AAGAB: variants seen among roughly 807,000 people sequenced by gnomAD.
AAGAB encodes the protein alpha and gamma adaptin binding protein, also known as alpha- and gamma-adaptin-binding protein p34.
Under a neutral mutation model 44.1 loss-of-function variants are expected in AAGAB, and 38 were observed. The observed-to-expected ratio is 0.86, with a 90% CI of 0.67 to 1.13. The LOEUF (loss-of-function observed/expected upper bound fraction) is 1.13. AAGAB is among the 50% of genes most tolerant of loss of function. AAGAB has a pLI of 0.00. For synonymous variants in AAGAB, 131 were observed against 131.8 expected (o/e 0.99, Z 0.04); for missense variants, 450 against 373.8 (o/e 1.20, Z -1.68).
Position 67,254,623 on chromosome 15 carries a change from A to G in AAGAB, c.9T>C (p.Ala3=), listed in dbSNP as rs180799838. 7,521 of 1,600,386 alleles carry G rather than the reference A, an allele frequency of 4.7e-3. 251 individuals carry two copies. The Admixed American group carries it at 0.08, about 17-fold the overall frequency. MA[A]GVPCALVTSC... ...TGGTGACTAACGCACAGGGTACGCCAGCAGCCATAGCTGCGCTCGCGAGCC... is the reference window on the plus strand; with the variant it reads ...TGGTGACTAACGCACAGGGTACGCCGGCAGCCATAGCTGCGCTCGCGAGCC... Residue 3 remains alanine (A), a synonymous_variant, in exon 1 of 10, where the codon GCT becomes GCC. Transcript: ENST00000261880.
rs189242691 is a variant in AAGAB at position 67,209,502 on chromosome 15, G to A, written c.578C>T (p.Thr193Ile). 3.1e-6 allele frequency: 5 copies of A among 1,614,164 alleles called. No individual in the cohort carries two copies. The highest frequency in any genetic ancestry group is 3.3e-5 in the Admixed American group (2 of 60,036). The change falls in exon 6 of 10, where the codon ACA (threonine) becomes ATA (isoleucine). Residue 193 changes from threonine (T) to isoleucine (I), a missense_variant. Physicochemically the swap from Thr to Ile is moderately conservative, Grantham distance 89 (BLOSUM62 -1). Coordinates refer to ENST00000261880, the MANE Select transcript of AAGAB (RefSeq NM_024666.5). ...ATCTGCTGACCCAATGCTATGGTTT[G>A]TTCCAGTCAATGAGTTGAGAAGGCT... ...GFSLLNSLTG[T>I]NHSIGSADPC...
intron 1 of AAGAB, among the ~76,000 whole-genome samples, chr15:67,248,001 T>C (rs1964768901): frequency 6.6e-6 from 1 of 152,240 alleles, no homozygotes. Flanking sequence ...TCCCCAGCTT[T>C]TGGGAACTGA....
At chr15:67,241,045 A>ACACACACG (rs1164561766) in intron 1 of AAGAB, among the ~76,000 whole-genome samples, 1 of 97,288 alleles carries the variant, frequency 1.0e-5, no homozygotes, top group Admixed American at 1.4e-4. Context: ...TCTCCTACAC[A>ACACACACG]CACACACACA....
chr15:67,213,277 A>G (rs1207004478), intron 5 of AAGAB, among the ~76,000 whole-genome samples: 2 of 152,230 alleles, frequency 1.3e-5, no homozygotes, highest in Non-Finnish European at 2.9e-5. Context: ...ATTCTTCCAG[A>G]AAGTGTCAGA....
intron 7 of AAGAB, among the ~76,000 whole-genome samples, chr15:67,204,907 A>G (rs1339485532): frequency 6.6e-6 from 1 of 152,162 alleles, no homozygotes; most frequent in Non-Finnish European, 1.5e-5. Context: ...CTGTCTTAGC[A>G]CTTGCATATA....
At chr15:67,237,383 T>C (rs901527341) in intron 1 of AAGAB, among the ~76,000 whole-genome samples, 1 of 152,246 alleles carries the variant, frequency 6.6e-6, no homozygotes, top group Non-Finnish European at 1.5e-5. Context: ...TTCAGCCTTG[T>C]TCACATTCTT....
chr15:67,242,989 C>T (rs1421570869), intron 1 of AAGAB: 1 of 152,148 alleles, frequency 6.6e-6, no homozygotes, highest in Non-Finnish European at 1.5e-5. Flanking sequence ...TTCGCATTTC[C>T]ACATGCTCGT....
intron 6 of AAGAB, among the ~76,000 whole-genome samples, 178 bp from the exon 7 acceptor site, chr15:67,208,836 C>A (rs569489447): frequency 6.6e-6 from 1 of 152,216 alleles, no homozygotes; most frequent in African/African-American, 2.4e-5. Context: ...TTAACTAACC[C>A]AGAAGTACTT....
At chr15:67,218,859 C>T (rs1964007610) in intron 5 of AAGAB, among the ~76,000 whole-genome samples, 2 of 152,202 alleles carry the variant, frequency 1.3e-5, no homozygotes, top group East Asian at 3.8e-4. Flanking sequence ...TTATCTACAT[C>T]CCTTTCCTTG....
At chr15:67,251,760 A>G (rs1377810826) in intron 1 of AAGAB, among the ~76,000 whole-genome samples, 2 of 152,246 alleles carry the variant, frequency 1.3e-5, no homozygotes, top group East Asian at 3.8e-4. Flanking sequence ...AATATCACCG[A>G]ACACTTGACA....
chr15:67,232,621 G>C (rs1446854375), intron 4 of AAGAB: 2 of 359,474 alleles, frequency 5.6e-6, no homozygotes, highest in Admixed American at 5.2e-5. Flanking sequence ...TTTGAGTTCA[G>C]AACTCATTTT....
rs748466481 is a variant in AAGAB at position 67,236,430 on chromosome 15, G to A, written c.339C>T (p.Val113=). Residue 113 remains valine (V), a synonymous_variant, in exon 3 of 10, where the codon GTC becomes GTT. Coordinates refer to ENST00000261880, the MANE Select transcript of AAGAB (RefSeq NM_024666.5). ...KAWLPEVMIL[V]CDRVSEDGIN... is the part of the protein sequence containing the mutation. ...TACCATCTTCAGACACTCTATCGCA[G>A]ACCAAGATCATCACCTCAGGTAACC... The A allele has an allele frequency of 1.1e-5, 18 of 1,613,928 alleles. No homozygotes were observed. The highest frequency in any genetic ancestry group is 5.9e-6 in the Non-Finnish European group (7 of 1,179,990).
chr15:67,204,012 G>T (rs1237054079), intron 8 of AAGAB, 32 bp downstream of exon 8: 2 of 1,315,888 alleles, frequency 1.5e-6, no homozygotes, highest in African/African-American at 2.9e-5. Flanking sequence ...GCATCAACAT[G>T]GGAACATATT....
Position 67,204,806 on chromosome 15 carries a change from A to G in AAGAB, c.716-658T>C, listed in dbSNP as rs572007243. Among the ~76,000 whole-genome samples, 14 of 152,306 alleles carry G rather than the reference A, an allele frequency of 9.2e-5. No individual in the cohort carries two copies. In the East Asian group the frequency reaches 2.5e-3, roughly 27 times the overall value. Reference sequence around the variant, plus strand: ...AGAATTTTAACTCCTTCTCCACTCCAGGCCCACTATGTTTAGAATGTCTTC... The same window carrying G: ...AGAATTTTAACTCCTTCTCCACTCCGGGCCCACTATGTTTAGAATGTCTTC... On this transcript the variant is annotated intron_variant, in intron 7 of 9. Transcript: ENST00000261880.
At chr15:67,217,783 G>A (rs7178966) in intron 5 of AAGAB, among the ~76,000 whole-genome samples, 26,039 of 152,088 alleles carry the variant, frequency 0.17, 2,435 homozygotes, top group Admixed American at 0.26. Flanking sequence ...TGATCCACCC[G>A]CCTTGGCCTC....
At chr15:67,222,798 T>C (rs983663902) in intron 5 of AAGAB, among the ~76,000 whole-genome samples, 1 of 152,080 alleles carries the variant, frequency 6.6e-6, no homozygotes, top group Admixed American at 6.5e-5. Flanking sequence ...ACAATAAAAA[T>C]CTCCACCACA....
intron 7 of AAGAB, among the ~76,000 whole-genome samples, chr15:67,206,520 C>T (rs758980043): frequency 3.9e-5 from 6 of 152,142 alleles, no homozygotes; most frequent in Middle Eastern, 6.3e-3. Flanking sequence ...CTATTTTCCT[C>T]ATTCCTTCTA....
chr15:67,209,446 C>T lies in AAGAB; in HGVS notation c.618+16G>A, dbSNP rs1337501233. On this transcript the variant is annotated intron_variant, in intron 6 of 9. Transcript: ENST00000261880. ...TAAAGCCAAAGAGGGAAAAAAGATCCAAGAAAAACCTTTACCTCTGGGTGA... is the reference window on the plus strand; with the variant it reads ...TAAAGCCAAAGAGGGAAAAAAGATCTAAGAAAAACCTTTACCTCTGGGTGA... 2 of 1,607,534 alleles carry T rather than the reference C, an allele frequency of 1.2e-6. No homozygotes were observed. The highest frequency in any genetic ancestry group is 3.4e-5 in the Admixed American group (2 of 59,604).
At chr15:67,222,446 C>T (rs182469061) in intron 5 of AAGAB, among the ~76,000 whole-genome samples, 58 of 152,140 alleles carry the variant, frequency 3.8e-4, no homozygotes, top group African/African-American at 1.4e-3. Context: ...CAAATCCTAA[C>T]GCTACCTCCT....
Sources: allele counts gnomAD v4.1 joint callset (sites outside exome capture counted in the v4.1 genomes callset), GRCh38; gene constraint gnomAD v4.1.1; transcripts MANE v1.5; gene names NCBI Gene and HGNC (gene_info 2026-07-23, HGNC 2026-07-21).